Variants in DEF6 observed in about 807,000 individuals in gnomAD.
DEF6 encodes DEF6 guanine nucleotide exchange factor.
In DEF6, 32 loss-of-function variants were observed where a neutral mutation model predicts 80.5. The ratio of observed to expected loss-of-function variants is 0.40; its 90% CI spans 0.30 to 0.53. DEF6 has a LOEUF of 0.53. Ranked by LOEUF, DEF6 falls within the 20% of genes least tolerant of loss-of-function variation. The pLI is 0.57. For synonymous variants in DEF6, 300 were observed against 337.9 expected, an observed-to-expected ratio of 0.89 and a Z score of 1.23; for missense variants, 575 against 818.7, an observed-to-expected ratio of 0.70 and a Z score of 3.63.
intron 5 of DEF6, among the ~76,000 whole-genome samples, chr6:35,316,739 C>T (rs1283219359): frequency 6.6e-6 from 1 of 152,104 alleles, no homozygotes; most frequent in Non-Finnish European, 1.5e-5. Context: ...TCCTTGCATC[C>T]CTGGGATGAA....
At chr6:35,303,658 G>T (rs1162426629) in intron 1 of DEF6, among the ~76,000 whole-genome samples, 1 of 152,208 alleles carries the variant, frequency 6.6e-6, no homozygotes, top group Non-Finnish European at 1.5e-5. Flanking sequence ...AAGCAGAAAT[G>T]GGTAGGGATC....
intron 9 of DEF6, 33 bp downstream of exon 9, chr6:35,320,050 G>T: frequency 6.5e-7 from 1 of 1,546,386 alleles, no homozygotes; most frequent in Non-Finnish European, 8.7e-7. Flanking sequence ...GTGGAGGCTG[G>T]CAGGGTGAGC....
intron 1 of DEF6, 135 bp downstream of exon 1, chr6:35,298,087 G>A (rs1174335902): frequency 2.9e-5 from 23 of 791,490 alleles, no homozygotes; most frequent in Non-Finnish European, 4.5e-5. Context: ...GGGTCGGGGG[G>A]CTGGTCCTGG....
rs1791559861 is a variant in DEF6, at chr6:35,319,360, C to T, written c.1216-164C>T. Among the ~76,000 whole-genome samples the T allele has an allele frequency of 6.6e-6, 1 of 152,006 alleles. No individual in the cohort carries two copies. Among genetic ancestry groups the T allele is most frequent in the Admixed American group, 6.6e-5 (1 of 15,250 alleles). ...ATCTGTTCACCGACCATTATCTGTT[C>T]CAGTCAGGCTCTCAGAAAGGGGTCA... On this transcript the variant is annotated intron_variant, in intron 7 of 10. Coordinates refer to ENST00000316637, the MANE Select transcript of DEF6 (RefSeq NM_022047.4). The surrounding 1 kb of genome is among the most constrained non-coding windows in gnomAD (Gnocchi z 4.5).
In DEF6 at chr6:35,297,842, G is replaced by C; in HGVS notation, c.-15G>C. On this transcript the variant is annotated 5_prime_UTR_variant, in exon 1 of 11. Coordinates refer to ENST00000316637, the MANE Select transcript of DEF6 (RefSeq NM_022047.4). ...TAGTGTCAGAGCCGCCCCCAGCCGG[G>C]CGGGCGCCTCAGCCATGGCCCTGCG... The C allele has an allele frequency of 6.3e-7, 1 of 1,580,714 alleles. No homozygotes were observed. The highest frequency in any genetic ancestry group is 8.6e-7 in the Non-Finnish European group (1 of 1,164,242).
rs763200007 is a variant in DEF6, at chr6:35,317,996, G to A, written c.913G>A (p.Ala305Thr). Residue 305 changes from alanine to threonine, a missense_variant, in exon 6 of 11, where the codon GCT (alanine) becomes ACT (threonine). Transcript: ENST00000316637. The part of the protein sequence containing the change: ...SDTRQRQEWT[A>T]AIQMAIRLQA... ...CACGCGCCAGCGCCAGGAGTGGACA[G>A]CTGGTGAGTGCTCGCTAGGTGGCTT... is the stretch of plus-strand genomic sequence containing the variant. 31 of 1,612,554 alleles carry A rather than the reference G, an allele frequency of 1.9e-5. No individual in the cohort carries two copies. Among genetic ancestry groups the A allele is most frequent in the Non-Finnish European group, 2.6e-5 (31 of 1,179,394 alleles).
intron 1 of DEF6, among the ~76,000 whole-genome samples, chr6:35,300,814 G>T (rs1160600813): frequency 4.6e-5 from 7 of 152,200 alleles, no homozygotes; most frequent in Admixed American, 4.6e-4. Flanking sequence ...ATAGAGAGGG[G>T]AGCCCTTGGG....
At chr6:35,315,847 C>CTTTTTTTTTT (rs1159503411) in intron 5 of DEF6, among the ~76,000 whole-genome samples, 1 of 113,844 alleles carries the variant, frequency 8.8e-6, no homozygotes, top group African/African-American at 3.7e-5. Flanking sequence ...GTTGGAGTCC[C>CTTTTTTTTTT]TTTTTTTTTT....
intron 1 of DEF6, among the ~76,000 whole-genome samples, chr6:35,306,359 A>C (rs1433749408): frequency 6.6e-6 from 1 of 151,848 alleles, no homozygotes. Flanking sequence ...AAAAATACAA[A>C]AATTAGCCAG....
intron 1 of DEF6, among the ~76,000 whole-genome samples, chr6:35,304,878 T>C (rs1791369452): frequency 1.3e-5 from 2 of 151,762 alleles, no homozygotes; most frequent in South Asian, 2.1e-4. Flanking sequence ...TTCATCCCTA[T>C]TGTTTTAAAT....
At position 35,318,451 on chromosome 6, in the gene DEF6, C is replaced by A. The variant is rs781195631; in HGVS notation, c.1195C>A (p.Gln399Lys). ...HRELQQALEG[Q>K]LREAEQARAS... ...CGAGCTGCAGCAGGCGCTCGAGGGC[C>A]AACTGCGCGAGGCGGAGCAGGTGGG... Residue 399 changes from glutamine to lysine, a missense_variant, in exon 7 of 11, where the codon CAA becomes AAA. Transcript: ENST00000316637. The surrounding 1 kb of genome is among the most constrained non-coding windows in gnomAD (Gnocchi z 5.1). The A allele has an allele frequency of 6.8e-7, 1 of 1,469,200 alleles. No individual in the cohort carries two copies. Among genetic ancestry groups the A allele is most frequent in the Non-Finnish European group, 8.9e-7 (1 of 1,118,398 alleles). 91.0% of individuals were successfully genotyped at this position (1,469,200 alleles called of 1,614,324 possible).
rs746776300 is a variant in DEF6, at chr6:35,320,920, G to T, written c.1618G>T (p.Val540Leu). The T allele has an allele frequency of 6.2e-7, 1 of 1,611,952 alleles. No individual in the cohort carries two copies. Among genetic ancestry groups the T allele is most frequent in the South Asian group, 1.1e-5 (1 of 90,732 alleles). Residue 540 changes from valine (V) to leucine (L), a missense_variant, in exon 10 of 11, where the codon GTG becomes TTG. Val to Leu is a conservative substitution (Grantham distance 32). Transcript: ENST00000316637. ...QRKLRQASTNVKHWNVQMNRL... is the reference protein window; with the variant it reads ...QRKLRQASTNLKHWNVQMNRL... Reference sequence around the variant, plus strand: ...AAAACTGCGCCAGGCCAGCACCAACGTGAAACACTGGAATGTCCAGATGAA... The same window carrying T: ...AAAACTGCGCCAGGCCAGCACCAACTTGAAACACTGGAATGTCCAGATGAA...
At chr6:35,314,437 TA>T (rs1008330907) in intron 5 of DEF6, among the ~76,000 whole-genome samples, 13 of 151,280 alleles carry the variant, frequency 8.6e-5, no homozygotes, top group African/African-American at 3.2e-4. Flanking sequence ...AGATGTTCTC[TA>T]TTTTTTTTGT....
chr6:35,309,902 C>T, intron 2 of DEF6, 92 bp downstream of exon 2: 1 of 1,477,172 alleles, frequency 6.8e-7, no homozygotes, highest in Non-Finnish European at 9.3e-7. Context: ...AACTCTTCGC[C>T]CCTGCCATAA....
chr6:35,317,618 C>T, intron 5 of DEF6: 1 of 374,728 alleles, frequency 2.7e-6, no homozygotes, highest in Non-Finnish European at 4.9e-6. Context: ...GCGTGATCTG[C>T]ATAAACACTG....
At chr6:35,305,650 C>T (rs1171189644) in intron 1 of DEF6, among the ~76,000 whole-genome samples, 3 of 151,684 alleles carry the variant, frequency 2.0e-5, no homozygotes, top group Non-Finnish European at 4.4e-5. Context: ...CCTGGCTCAC[C>T]TCAACCGCCA....
chr6:35,303,426 C>G (rs908638431), intron 1 of DEF6, among the ~76,000 whole-genome samples: 5 of 152,158 alleles, frequency 3.3e-5, no homozygotes, highest in South Asian at 2.1e-4. Flanking sequence ...CAATCTCTGT[C>G]TGGCTTTTGT....
intron 5 of DEF6, among the ~76,000 whole-genome samples, chr6:35,314,827 C>CAA (rs56340406): frequency 6.6e-6 from 1 of 152,142 alleles, no homozygotes; most frequent in East Asian, 1.9e-4. Flanking sequence ...AGGTCTTCCA[C>CAA]AAAAAATCTC....
chr6:35,312,217 C>T lies in DEF6; in HGVS notation c.424-85C>T, dbSNP rs557175545. On this transcript the variant is annotated intron_variant, in intron 3 of 10. Coordinates refer to ENST00000316637, the MANE Select transcript of DEF6 (RefSeq NM_022047.4). This position sits in a 1 kb window ranked among gnomAD's most constrained non-coding sequence, Gnocchi z 6.6. ...TCCCCTGTTTCCCTCTGCCCAGGCT[C>T]TGGGAGCCAGATAGAGCACTCCCTG... 2.8e-5 allele frequency: 34 copies of T among 1,199,918 alleles called. No individual in the cohort carries two copies. In the African/African-American group the frequency reaches 3.7e-4, roughly 13 times the overall value. 74.3% of individuals were successfully genotyped at this position (1,199,918 alleles called of 1,614,324 possible).
Sources: gnomAD v4.1 joint callset for allele counts (sites outside exome capture counted in the v4.1 genomes callset) on GRCh38, gnomAD v4.1.1 for gene constraint, Gnocchi (gnomAD v3.1) non-coding constraint, MANE v1.5 for transcripts, NCBI Gene and HGNC (gene_info 2026-07-23, HGNC 2026-07-21) for gene names.